The following CDK19 variants were observed in gnomAD, a reference collection of about 807,000 sequenced individuals.
CDK19 encodes cyclin dependent kinase 19, also known as cyclin-dependent kinase 19.
A neutral mutation model predicts 68.3 loss-of-function variants in CDK19; 20 were observed. That is an observed-to-expected ratio of 0.29 (90% CI 0.21 to 0.43). CDK19 has a LOEUF of 0.43. Ranked by LOEUF, CDK19 falls within the 20% of genes least tolerant of loss-of-function variation. The pLI, the probability that CDK19 is intolerant of heterozygous loss-of-function variation, is 1.00. For missense variants in CDK19, 339 were observed against 623.5 expected, an observed-to-expected ratio of 0.54 and a Z score of 4.86; for synonymous variants, 221 against 222.8, an observed-to-expected ratio of 0.99 and a Z score of 0.07.
intron 4 of CDK19, among the ~76,000 whole-genome samples, chr6:110,642,521 A>G (rs74936021): frequency 0.013 from 1,955 of 152,286 alleles, 51 homozygotes; most frequent in African/African-American, 0.045. Context: ...CAATAAATAA[A>G]TAAGTATACA....
intron 1 of CDK19, among the ~76,000 whole-genome samples, chr6:110,787,555 T>C (rs1369824820): frequency 1.3e-5 from 2 of 151,932 alleles, no homozygotes; most frequent in Non-Finnish European, 2.9e-5. Flanking sequence ...TAAGGGATTC[T>C]CCAACGTCAG....
chr6:110,748,655 A>C (rs1013700099), intron 1 of CDK19, among the ~76,000 whole-genome samples: 16 of 152,234 alleles, frequency 1.1e-4, no homozygotes, highest in Admixed American at 5.9e-4. Context: ...CGTGAATGCC[A>C]ATCTTTGGGC....
intron 12 of CDK19, among the ~76,000 whole-genome samples, chr6:110,619,098 G>A (rs190969951): frequency 8.5e-5 from 13 of 152,236 alleles, no homozygotes; most frequent in African/African-American, 3.1e-4. Context: ...TGCCCCTCAT[G>A]CCAGTCTCTC....
intron 4 of CDK19, among the ~76,000 whole-genome samples, chr6:110,651,951 G>A (rs1219568113): frequency 1.3e-5 from 2 of 152,036 alleles, no homozygotes; most frequent in Non-Finnish European, 2.9e-5. Flanking sequence ...GGAGTTGAAG[G>A]AACAAGAGTC....
intron 4 of CDK19, among the ~76,000 whole-genome samples, chr6:110,665,562 A>G (rs1342271899): frequency 6.6e-6 from 1 of 152,248 alleles, no homozygotes; most frequent in African/African-American, 2.4e-5. Context: ...ATTTTATGAA[A>G]AAGAGAGAGG....
intron 4 of CDK19, among the ~76,000 whole-genome samples, chr6:110,650,219 G>A (rs1214599729): frequency 2.6e-5 from 4 of 152,210 alleles, no homozygotes; most frequent in Admixed American, 2.6e-4. Flanking sequence ...TTATAAAAAT[G>A]TGATAAATCT....
intron 2 of CDK19, among the ~76,000 whole-genome samples, chr6:110,678,982 T>G (rs9374194): frequency 6.6e-6 from 1 of 152,004 alleles, no homozygotes; most frequent in Non-Finnish European, 1.5e-5. Flanking sequence ...CTCCTTTGAA[T>G]GGGCTATAAT....
intron 1 of CDK19, among the ~76,000 whole-genome samples, chr6:110,802,254 C>T (rs758179116): frequency 3.3e-5 from 5 of 152,146 alleles, no homozygotes; most frequent in Non-Finnish European, 7.4e-5. Flanking sequence ...TAACACTATT[C>T]ACAATACAAA....
At chr6:110,794,033 T>C (rs1781764728) in intron 1 of CDK19, among the ~76,000 whole-genome samples, 1 of 152,158 alleles carries the variant, frequency 6.6e-6, no homozygotes, top group East Asian at 1.9e-4. Flanking sequence ...AGTTGTGTTC[T>C]TCCCAGTTTT....
At chr6:110,691,499 G>T (rs965501152) in intron 2 of CDK19, among the ~76,000 whole-genome samples, 1 of 151,600 alleles carries the variant, frequency 6.6e-6, no homozygotes, top group Admixed American at 6.6e-5. Flanking sequence ...GAAAACCTAG[G>T]CCAGGTGCAG....
At chr6:110,707,678 T>C (rs986271936) in intron 2 of CDK19, among the ~76,000 whole-genome samples, 21 of 152,062 alleles carry the variant, frequency 1.4e-4, no homozygotes, top group African/African-American at 4.8e-4. Context: ...TTGCTTTAAA[T>C]AGTATATTTC....
At chr6:110,639,760 T>C (rs1582745773) in intron 4 of CDK19, among the ~76,000 whole-genome samples, 1 of 152,182 alleles carries the variant, frequency 6.6e-6, no homozygotes, top group African/African-American at 2.4e-5. Context: ...GAATTAAAGA[T>C]TCCACTGTTA....
intron 10 of CDK19, 152 bp downstream of exon 10, chr6:110,622,663 G>T: frequency 3.3e-6 from 2 of 603,406 alleles, no homozygotes; most frequent in Non-Finnish European, 3.0e-6. Context: ...AGCTTTGCCT[G>T]TTTCAAAATG....
chr6:110,665,190 A>T (rs1333700755), intron 4 of CDK19, among the ~76,000 whole-genome samples: 1 of 152,238 alleles, frequency 6.6e-6, no homozygotes, highest in Non-Finnish European at 1.5e-5. Flanking sequence ...CAGATTGTTG[A>T]CAACAGACAA....
chr6:110,697,537 CCTG>C (rs1262067630), intron 2 of CDK19, among the ~76,000 whole-genome samples: 1 of 152,074 alleles, frequency 6.6e-6, no homozygotes, highest in Non-Finnish European at 1.5e-5. Context: ...AAACACATCC[CCTG>C]CTTATGGGTG....
chr6:110,721,729 G>C (rs537975517), intron 2 of CDK19, among the ~76,000 whole-genome samples: 18 of 152,266 alleles, frequency 1.2e-4, no homozygotes, highest in African/African-American at 4.3e-4. Context: ...ACTTTTGGAG[G>C]CCGAGGCAGG....
At chr6:110,666,823 A>G (rs1009798704) in intron 4 of CDK19, among the ~76,000 whole-genome samples, 1 of 152,134 alleles carries the variant, frequency 6.6e-6, no homozygotes, top group Non-Finnish European at 1.5e-5. Context: ...AACTTGCATC[A>G]ACATAAACTA....
intron 6 of CDK19, among the ~76,000 whole-genome samples, chr6:110,628,960 G>A (rs770056491): frequency 4.1e-4 from 63 of 152,174 alleles, no homozygotes; most frequent in Non-Finnish European, 7.2e-4. Flanking sequence ...CTACAGAGTA[G>A]AGTAATAATA....
Position 110,622,820 on chromosome 6 carries a change from T to C in CDK19, c.1026A>G (p.Thr342=), listed in dbSNP as rs375908163. ...AGAAAAGACAGGATACATACTCTAA[T>C]GTTGGCAAAGGGTCCTCCTGAAAAT... is the stretch of plus-strand genomic sequence containing the variant. ...DPYFQEDPLP[T]LDVFAGCQIP... Residue 342 remains threonine (T), a synonymous_variant, in exon 10 of 13, where the codon ACA becomes ACG. Transcript: ENST00000368911. The C allele has an allele frequency of 8.8e-6, 14 of 1,597,376 alleles. No individual in the cohort carries two copies. The highest frequency in any genetic ancestry group is 1.1e-5 in the Non-Finnish European group (13 of 1,164,820).
Sources: allele counts gnomAD v4.1 joint callset (sites outside exome capture counted in the v4.1 genomes callset), GRCh38; gene constraint gnomAD v4.1.1; transcripts MANE v1.5; gene names NCBI Gene and HGNC (gene_info 2026-07-23, HGNC 2026-07-21).